Variants in ACACA observed in about 807,000 individuals in gnomAD.
ACACA encodes acetyl-CoA carboxylase 1.
ACACA carries 103 observed loss-of-function variants against 296.1 expected under a neutral mutation model. The ratio of observed to expected loss-of-function variants is 0.35; its 90% CI spans 0.30 to 0.41. The LOEUF (loss-of-function observed/expected upper bound fraction) is 0.41, where lower values mean the gene tolerates loss of function less well. ACACA is among the 10% of genes least tolerant of loss of function. ACACA has a pLI of 1.00. For missense variants in ACACA, 1,554 were observed against 2,989.7 expected (o/e 0.52, Z 11.20); for synonymous variants, 953 against 1,038.6 (o/e 0.92, Z 1.58).
intron 11 of ACACA, among the ~76,000 whole-genome samples, chr17:37,260,311 T>C (rs1367502213): frequency 2.9e-5 from 3 of 101,786 alleles, no homozygotes; most frequent in Non-Finnish European, 5.6e-5. Context: ...TTTTTTTTTT[T>C]TTTTTGGAGA....
At chr17:37,092,755 G>C (rs1455626453) in intron 54 of ACACA, among the ~76,000 whole-genome samples, 2 of 152,198 alleles carry the variant, frequency 1.3e-5, no homozygotes, top group African/African-American at 4.8e-5. Flanking sequence ...TCCAGCTAGG[G>C]AGGCTCCTCC....
intron 2 of ACACA, among the ~76,000 whole-genome samples, chr17:37,334,481 C>T (rs1190392283): frequency 6.6e-6 from 1 of 152,078 alleles, no homozygotes; most frequent in African/African-American, 2.4e-5. Flanking sequence ...TTTATCTACC[C>T]TAACGGCAGT....
chr17:37,363,350 T>C (rs1170517348), intron 1 of ACACA, among the ~76,000 whole-genome samples: 1 of 151,606 alleles, frequency 6.6e-6, no homozygotes, highest in African/African-American at 2.4e-5. Flanking sequence ...GCCCAGCTAA[T>C]TTTTGTATTT....
chr17:37,248,803 G>A (rs908889085), intron 16 of ACACA, 129 bp from the exon 17 acceptor site: 15 of 655,662 alleles, frequency 2.3e-5, no homozygotes, highest in Admixed American at 1.3e-4. Flanking sequence ...CTAAATGATC[G>A]TTTGTAAGGA....
chr17:37,103,932 T>A (rs2073516953), intron 52 of ACACA, among the ~76,000 whole-genome samples: 1 of 152,152 alleles, frequency 6.6e-6, no homozygotes, highest in African/African-American at 2.4e-5. Flanking sequence ...GTCCCAGAGA[T>A]ACTCTGGTGG....
At chr17:37,128,105 T>G (rs757804512) in intron 47 of ACACA, among the ~76,000 whole-genome samples, 17 of 135,496 alleles carry the variant, frequency 1.3e-4, no homozygotes, top group Admixed American at 3.8e-4. Flanking sequence ...AAAGAAAAAC[T>G]ATTTCGTTTT....
intron 1 of ACACA, among the ~76,000 whole-genome samples, chr17:37,362,023 G>GGT (rs1358694710): frequency 6.6e-6 from 1 of 152,136 alleles, no homozygotes; most frequent in Non-Finnish European, 1.5e-5. Context: ...AGGTCATAAG[G>GGT]GTGGGCCCTA....
At chr17:37,257,952 TCACA>T in intron 13 of ACACA, 86 bp from the exon 14 acceptor site, 4 of 1,518,850 alleles carry the variant, frequency 2.6e-6, no homozygotes, top group Non-Finnish European at 3.6e-6. Context: ...TCTCTGTTAA[TCACA>T]CACAGAAGCA....
At chr17:37,304,210 T>C (rs1378702419) in intron 3 of ACACA, among the ~76,000 whole-genome samples, 2 of 152,222 alleles carry the variant, frequency 1.3e-5, no homozygotes, top group South Asian at 2.1e-4. Flanking sequence ...TATTTTATTT[T>C]TAATTTTTTG....
At chr17:37,185,311 C>A (rs2077482870) in intron 39 of ACACA, among the ~76,000 whole-genome samples, 1 of 151,636 alleles carries the variant, frequency 6.6e-6, no homozygotes, top group Admixed American at 6.6e-5. Flanking sequence ...TAGCTCATTG[C>A]AGCCTCAAAC....
At chr17:37,344,414 G>C (rs895516508) in intron 1 of ACACA, among the ~76,000 whole-genome samples, 1 of 151,490 alleles carries the variant, frequency 6.6e-6, no homozygotes, top group Non-Finnish European at 1.5e-5. Context: ...AAAAATTAGC[G>C]GGGCGTGGTG....
intron 11 of ACACA, among the ~76,000 whole-genome samples, chr17:37,260,281 TATA>T (rs2081422383): frequency 6.6e-4 from 24 of 36,224 alleles, no homozygotes; most frequent in African/African-American, 3.0e-3. Context: ...TATATATATA[TATA>T]TATATATATA....
intron 1 of ACACA, among the ~76,000 whole-genome samples, chr17:37,384,686 A>AT (rs1284022759): frequency 2.0e-5 from 3 of 152,154 alleles, no homozygotes; most frequent in Non-Finnish European, 4.4e-5. Flanking sequence ...TATGATGAAA[A>AT]TGTTCTTGTT....
intron 40 of ACACA, 87 bp downstream of exon 40, chr17:37,181,114 C>T: frequency 6.8e-7 from 1 of 1,464,704 alleles, no homozygotes; most frequent in African/African-American, 1.4e-5. Flanking sequence ...TTGGAGTGCC[C>T]CCTTCTAGCC....
chr17:37,366,660 G>GT (rs1261956941), intron 1 of ACACA, among the ~76,000 whole-genome samples: 2 of 151,744 alleles, frequency 1.3e-5, no homozygotes, highest in Non-Finnish European at 2.9e-5. Flanking sequence ...GTAGAGACAG[G>GT]GTTTCACCAT....
At chr17:37,274,400 TGA>T in intron 8 of ACACA, 101 bp from the exon 9 acceptor site, 1 of 1,154,202 alleles carries the variant, frequency 8.7e-7, no homozygotes, top group Non-Finnish European at 1.3e-6. Flanking sequence ...TACCCAAAAC[TGA>T]GAGTGGATGG....
chr17:37,325,284 T>G (rs1220177896), intron 3 of ACACA, among the ~76,000 whole-genome samples: 1 of 151,016 alleles, frequency 6.6e-6, no homozygotes, highest in East Asian at 2.0e-4. Context: ...GAGAATTGCT[T>G]GAAACCAGGA....
intron 52 of ACACA, among the ~76,000 whole-genome samples, chr17:37,098,342 T>G (rs1900101): frequency 0.3 from 45,157 of 152,130 alleles, 8,755 homozygotes; most frequent in African/African-American, 0.54. Context: ...AGGCCAGTAC[T>G]TGTACACTGA....
intron 1 of ACACA, among the ~76,000 whole-genome samples, chr17:37,389,553 G>A (rs1323041684): frequency 6.6e-6 from 1 of 151,976 alleles, no homozygotes; most frequent in Non-Finnish European, 1.5e-5. Context: ...TTAGCCAGGT[G>A]GCACATGCCT....
Sources: allele counts gnomAD v4.1 joint callset (sites outside exome capture counted in the v4.1 genomes callset), GRCh38; gene constraint gnomAD v4.1.1; transcripts MANE v1.5; gene names NCBI Gene and HGNC (gene_info 2026-07-23, HGNC 2026-07-21).